ZFHX3: variants seen among roughly 807,000 people sequenced by gnomAD.
ZFHX3 encodes the protein zinc finger homeobox 3.
ZFHX3 carries 42 observed loss-of-function variants against 279.1 expected under a neutral mutation model. That is an observed-to-expected ratio of 0.15 (90% CI 0.12 to 0.19). The LOEUF is 0.19. Among genes scored for constraint, ZFHX3 ranks in the 10% least tolerant of loss-of-function variants. The pLI, the probability that ZFHX3 is intolerant of heterozygous loss-of-function variation, is 1.00. For synonymous variants in ZFHX3, 2,293 were observed against 1,957.8 expected (o/e 1.17, Z -4.52); for missense variants, 4,981 against 4,754.0 (o/e 1.05, Z -1.40).
chr16:72,826,626 A>G lies in ZFHX3; in HGVS notation c.3529+3153T>C, dbSNP rs185360007. Reference sequence around the variant, plus strand: ...AAAGCCTGTCATTACACACTCAGATACTATAGACAAAATTATGCTTCGGAT... The same window carrying G: ...AAAGCCTGTCATTACACACTCAGATGCTATAGACAAAATTATGCTTCGGAT... On this transcript the variant is annotated intron_variant, in intron 5 of 9. Transcript: ENST00000268489. 2.6e-5 allele frequency among the ~76,000 whole-genome samples: 4 copies of G among 152,342 alleles called. No individual in the cohort carries two copies. The East Asian group carries it at 7.7e-4, about 29-fold the overall frequency.
rs367606427 is a variant in ZFHX3 at position 72,959,960 on chromosome 16, C to T, written c.186G>A (p.Ala62=). ...GGGGCCCGGCCGACGCGGTGCTCTC[C>T]GCGAGGCGCTCATTGAAGGGGGCCC... is the stretch of plus-strand genomic sequence containing the variant. ...SLRAPFNERL[A]ESTASAGPPS... is the part of the protein sequence containing the mutation. The change falls in exon 2 of 10, where the codon GCG becomes GCA. Residue 62 remains alanine (A), a synonymous_variant. Coordinates refer to ENST00000268489, the MANE Select transcript of ZFHX3 (RefSeq NM_006885.4). 78 of 1,608,706 alleles carry T rather than the reference C, an allele frequency of 4.8e-5. No homozygotes were observed. The highest frequency in any genetic ancestry group is 1.3e-4 in the South Asian group (12 of 90,328).
intron 2 of ZFHX3, among the ~76,000 whole-genome samples, chr16:73,464,031 A>G (rs886464091): frequency 6.6e-6 from 1 of 152,232 alleles, no homozygotes; most frequent in Non-Finnish European, 1.5e-5. Context: ...ATTTAAGTGG[A>G]TGCAAACCAG....
chr16:73,645,055 C>T (rs1344248993), intron 2 of ZFHX3, among the ~76,000 whole-genome samples: 3 of 152,132 alleles, frequency 2.0e-5, no homozygotes, highest in Admixed American at 1.3e-4. Context: ...GAATGGGGTC[C>T]ATGTTAAATT....
intron 4 of ZFHX3, among the ~76,000 whole-genome samples, chr16:72,884,402 G>A (rs962811713): frequency 2.6e-5 from 4 of 152,168 alleles, no homozygotes; most frequent in Admixed American, 1.3e-4. Context: ...AACTGAGTCC[G>A]GGTCCAATTA....
intron 2 of ZFHX3, among the ~76,000 whole-genome samples, chr16:73,595,764 C>T (rs1468276572): frequency 6.6e-6 from 1 of 152,110 alleles, no homozygotes; most frequent in Non-Finnish European, 1.5e-5. Flanking sequence ...CCCCTCAATA[C>T]TCACTACTCC....
chr16:72,907,104 T>C (rs762600887), intron 3 of ZFHX3, among the ~76,000 whole-genome samples: 1 of 152,212 alleles, frequency 6.6e-6, no homozygotes, highest in Non-Finnish European at 1.5e-5. Flanking sequence ...TCAAATCCAG[T>C]AGCCTGCTCT....
At chr16:73,890,501 G>C (rs1472901470) in intron 1 of ZFHX3, among the ~76,000 whole-genome samples, 2 of 152,102 alleles carry the variant, frequency 1.3e-5, no homozygotes, top group African/African-American at 4.8e-5. Context: ...TATTGTCAAC[G>C]GTTGAAACCT....
chr16:73,286,073 T>A (rs2143078181), intron 4 of ZFHX3, among the ~76,000 whole-genome samples: 1 of 152,268 alleles, frequency 6.6e-6, no homozygotes, highest in East Asian at 1.9e-4. Flanking sequence ...TAAACACATT[T>A]CTGGAAGGGA....
intron 3 of ZFHX3, among the ~76,000 whole-genome samples, chr16:73,388,295 AG>A (rs1473124203): frequency 6.6e-6 from 1 of 152,138 alleles, no homozygotes; most frequent in African/African-American, 2.4e-5. Flanking sequence ...GGTGAAGAAA[AG>A]GGAGGCATTT....
At chr16:73,183,694 A>C (rs982936339) in intron 5 of ZFHX3, among the ~76,000 whole-genome samples, 7 of 152,174 alleles carry the variant, frequency 4.6e-5, no homozygotes, top group African/African-American at 1.4e-4. Flanking sequence ...TTATGTTTAT[A>C]GCTGCTGCGC....
intron 1 of ZFHX3, among the ~76,000 whole-genome samples, chr16:73,868,241 G>A (rs1160529469): frequency 2.0e-5 from 3 of 152,196 alleles, no homozygotes; most frequent in Admixed American, 6.5e-5. Flanking sequence ...TCAACAATGC[G>A]GCCAAGTGGG....
intron 2 of ZFHX3, among the ~76,000 whole-genome samples, chr16:73,477,439 A>G (rs2018783540): frequency 6.6e-6 from 1 of 152,236 alleles, no homozygotes; most frequent in Non-Finnish European, 1.5e-5. Flanking sequence ...ACCAAATAAT[A>G]AAATCAATAG....
At chr16:73,711,576 G>A (rs975539183) in intron 1 of ZFHX3, among the ~76,000 whole-genome samples, 19 of 152,142 alleles carry the variant, frequency 1.2e-4, no homozygotes, top group African/African-American at 4.6e-4. Flanking sequence ...CTTCTGAAGT[G>A]GGGGTGCAGA....
chr16:73,394,741 A>G (rs190203552), intron 3 of ZFHX3, among the ~76,000 whole-genome samples: 354 of 152,346 alleles, frequency 2.3e-3, no homozygotes, highest in African/African-American at 7.3e-3. Flanking sequence ...TGAGGCTTTG[A>G]CATGGTCCCA....
chr16:72,938,555 C>G (rs1960243461), intron 3 of ZFHX3, among the ~76,000 whole-genome samples: 1 of 152,194 alleles, frequency 6.6e-6, no homozygotes, highest in South Asian at 2.1e-4. Flanking sequence ...TGGTGGGTCC[C>G]TCGGGAAGCT....
intron 3 of ZFHX3, among the ~76,000 whole-genome samples, chr16:73,332,215 T>C (rs1363746473): frequency 6.6e-6 from 1 of 152,148 alleles, no homozygotes; most frequent in Non-Finnish European, 1.5e-5. Context: ...TGGGGAAAAC[T>C]GGAGCTATTA....
Position 72,784,208 on chromosome 16 carries a change from C to CA in ZFHX3, c.*2955dup, listed in dbSNP as rs1351617722. On this transcript the variant is annotated 3_prime_UTR_variant, in exon 10 of 10. Transcript: ENST00000268489. ...AAGGCATGGCATAACAAAACACTGA[C>CA]AGTCACTCTGCCTCACAGAGGGAGG... The CA allele has an allele frequency of 1.3e-5, 2 of 151,984 alleles. No homozygotes were observed. The highest frequency in any genetic ancestry group is 4.8e-5 in the African/African-American group (2 of 41,246). The allele number at this position is 151,984 out of a possible 1,614,324, so 9.4% of individuals were successfully genotyped here.
intron 4 of ZFHX3, among the ~76,000 whole-genome samples, chr16:72,833,101 C>T (rs1176190043): frequency 6.6e-6 from 1 of 152,172 alleles, no homozygotes; most frequent in African/African-American, 2.4e-5. Context: ...TTTATTGGTT[C>T]CGAAAGCATA....
chr16:73,668,877 G>A (rs1038202755), intron 2 of ZFHX3, among the ~76,000 whole-genome samples: 3 of 152,112 alleles, frequency 2.0e-5, no homozygotes, highest in South Asian at 2.1e-4. Context: ...AGTTAGAATG[G>A]CAATTATTAA....
Sources: allele counts gnomAD v4.1 joint callset (sites outside exome capture counted in the v4.1 genomes callset), GRCh38; gene constraint gnomAD v4.1.1; transcripts MANE v1.5; gene names NCBI Gene and HGNC (gene_info 2026-07-23, HGNC 2026-07-21).